Variants in PPP3CA observed in about 807,000 individuals in gnomAD.
The protein encoded by PPP3CA is CAM-PRP catalytic subunit.
In PPP3CA, 14 loss-of-function variants were observed where a neutral mutation model predicts 66.5. That is an observed-to-expected ratio of 0.21 (90% confidence interval 0.14 to 0.33). The LOEUF (loss-of-function observed/expected upper bound fraction) is 0.33, where lower values mean the gene tolerates loss of function less well. Ranked by LOEUF, PPP3CA falls within the 10% of genes least tolerant of loss-of-function variation. The pLI, the probability that PPP3CA is intolerant of heterozygous loss-of-function variation, is 1.00. For synonymous variants in PPP3CA, 232 were observed against 226.2 expected, an observed-to-expected ratio of 1.03 and a Z score of -0.23; for missense variants, 317 against 639.5, an observed-to-expected ratio of 0.50 and a Z score of 5.44.
chr4:101,260,311 A>C (rs1301213157), intron 1 of PPP3CA, among the ~76,000 whole-genome samples: 2 of 152,160 alleles, frequency 1.3e-5, no homozygotes, highest in Non-Finnish European at 2.9e-5. Context: ...GAAATATAAT[A>C]ACTTTAAAAC....
At chr4:101,316,628 T>G (rs1186532871) in intron 1 of PPP3CA, among the ~76,000 whole-genome samples, 1 of 152,144 alleles carries the variant, frequency 6.6e-6, no homozygotes, top group Non-Finnish European at 1.5e-5. Context: ...TATCCAAAAG[T>G]TATGAACAAA....
At chr4:101,288,684 A>G (rs531580658) in intron 1 of PPP3CA, among the ~76,000 whole-genome samples, 2 of 152,132 alleles carry the variant, frequency 1.3e-5, no homozygotes, top group South Asian at 4.1e-4. Context: ...AGTTACAAAG[A>G]CATGATGATG....
At chr4:101,309,223 T>C (rs1022903026) in intron 1 of PPP3CA, among the ~76,000 whole-genome samples, 2 of 152,158 alleles carry the variant, frequency 1.3e-5, no homozygotes, top group African/African-American at 2.4e-5. Flanking sequence ...GCAAGGCCTT[T>C]GTCATCTATG....
chr4:101,071,307 G>C (rs1257758690), intron 8 of PPP3CA, among the ~76,000 whole-genome samples: 1 of 152,174 alleles, frequency 6.6e-6, no homozygotes, highest in Non-Finnish European at 1.5e-5. Flanking sequence ...TTGGCACTGA[G>C]TTAGTTTTAA....
intron 2 of PPP3CA, among the ~76,000 whole-genome samples, chr4:101,132,504 A>T (rs747974307): frequency 2.6e-4 from 39 of 152,324 alleles, no homozygotes; most frequent in Middle Eastern, 3.4e-3. Flanking sequence ...ATCTAGAAGA[A>T]ATGGATAAAT....
chr4:101,288,444 C>G (rs534241402), intron 1 of PPP3CA, among the ~76,000 whole-genome samples: 1 of 151,764 alleles, frequency 6.6e-6, no homozygotes, highest in African/African-American at 2.4e-5. Context: ...ATTAATTACT[C>G]TCAAGTTATC....
chr4:101,335,195 C>T (rs1384143640), intron 1 of PPP3CA, among the ~76,000 whole-genome samples: 1 of 152,074 alleles, frequency 6.6e-6, no homozygotes, highest in Non-Finnish European at 1.5e-5. Flanking sequence ...AGCCACTGGT[C>T]TCCTTCATAT....
At chr4:101,137,316 G>C (rs1184685692) in intron 2 of PPP3CA, among the ~76,000 whole-genome samples, 1 of 152,054 alleles carries the variant, frequency 6.6e-6, no homozygotes, top group Non-Finnish European at 1.5e-5. Context: ...AGGCAAGATG[G>C]GGGGAGTAGT....
intron 2 of PPP3CA, among the ~76,000 whole-genome samples, chr4:101,178,762 C>T (rs931608872): frequency 6.6e-6 from 1 of 152,108 alleles, no homozygotes. Flanking sequence ...GACACCTAGA[C>T]ATCACTAAAT....
In PPP3CA at chr4:101,236,318, C is replaced by G. The variant is rs141235331; in HGVS notation, c.59-40202G>C. On this transcript the variant is annotated intron_variant, in intron 1 of 13. Coordinates refer to ENST00000394854, the MANE Select transcript of PPP3CA (RefSeq NM_000944.5). ...TGTGAAAAGCAGAAGAAAGCACATT[C>G]TAGGCACAGAAAACAGCAAATGCAA... is the stretch of plus-strand genomic sequence containing the variant. 2.0e-5 allele frequency among the ~76,000 whole-genome samples: 3 copies of G among 151,938 alleles called. No homozygotes were observed. In the South Asian group the frequency reaches 6.2e-4, roughly 32 times the overall value.
intron 1 of PPP3CA, among the ~76,000 whole-genome samples, chr4:101,314,392 G>A (rs1022684648): frequency 4.6e-5 from 7 of 151,632 alleles, no homozygotes; most frequent in Non-Finnish European, 5.9e-5. Context: ...GTGAAACCCC[G>A]TCTCTACTAA....
chr4:101,278,301 A>T (rs1727575817), intron 1 of PPP3CA, among the ~76,000 whole-genome samples: 1 of 152,146 alleles, frequency 6.6e-6, no homozygotes, highest in South Asian at 2.1e-4. Flanking sequence ...AAGATTGCTT[A>T]GTCTACCTGT....
At chr4:101,228,919 T>G (rs1725866602) in intron 1 of PPP3CA, among the ~76,000 whole-genome samples, 1 of 151,636 alleles carries the variant, frequency 6.6e-6, no homozygotes, top group African/African-American at 2.4e-5. Context: ...CTGGTTTTGA[T>G]TTTCCAATTA....
At chr4:101,170,672 T>C (rs1308561872) in intron 2 of PPP3CA, among the ~76,000 whole-genome samples, 1 of 152,146 alleles carries the variant, frequency 6.6e-6, no homozygotes, top group East Asian at 1.9e-4. Flanking sequence ...TCTGCACTTT[T>C]CTTAGATATA....
chr4:101,272,161 C>A (rs1174589614), intron 1 of PPP3CA, among the ~76,000 whole-genome samples: 1 of 152,168 alleles, frequency 6.6e-6, no homozygotes, highest in African/African-American at 2.4e-5. Context: ...TATACAACTT[C>A]TATTTCTACC....
In PPP3CA at chr4:101,181,265, T is replaced by G. The variant is rs143708890; in HGVS notation, c.259+14651A>C. On this transcript the variant is annotated intron_variant, in intron 2 of 13. Transcript: ENST00000394854. ...TAAGTATCTCGACTTTCACAGACTT[T>G]TACTGGGTATATTATGGGCATTTAT... Among the ~76,000 whole-genome samples the G allele has an allele frequency of 2.2e-3, 337 of 152,148 alleles. 1 individual carries two copies. Among genetic ancestry groups the G allele is most frequent in the African/African-American group, 5.1e-3 (213 of 41,526 alleles).
At chr4:101,080,749 T>C in intron 7 of PPP3CA, 123 bp from the exon 8 acceptor site, 5 of 444,834 alleles carry the variant, frequency 1.1e-5, no homozygotes, top group Non-Finnish European at 1.9e-5. Context: ...TCCAATCATA[T>C]AACACTAAAT....
At chr4:101,118,929 A>C (rs1213628564) in intron 2 of PPP3CA, among the ~76,000 whole-genome samples, 1 of 148,786 alleles carries the variant, frequency 6.7e-6, no homozygotes. Flanking sequence ...CTGCTGCCTC[A>C]TCTATAAGGA....
At chr4:101,178,137 G>A (rs1011061331) in intron 2 of PPP3CA, among the ~76,000 whole-genome samples, 1 of 152,128 alleles carries the variant, frequency 6.6e-6, no homozygotes, top group African/African-American at 2.4e-5. Context: ...TGAGGAGCAT[G>A]TTAGGTAACT....
Sources: gnomAD v4.1 joint callset for allele counts (sites outside exome capture counted in the v4.1 genomes callset) on GRCh38, gnomAD v4.1.1 for gene constraint, MANE v1.5 for transcripts, NCBI Gene and HGNC (gene_info 2026-07-23, HGNC 2026-07-21) for gene names.